SPINK5: variants seen among roughly 807,000 people sequenced by gnomAD.
SPINK5 encodes serine protease inhibitor Kazal-type 5.
In SPINK5, 125 loss-of-function variants were observed where a neutral mutation model predicts 151.8. The observed-to-expected ratio is 0.82, with a 90% CI of 0.71 to 0.96. The LOEUF (loss-of-function observed/expected upper bound fraction) is 0.96. SPINK5 is among the 40% of genes least tolerant of loss of function. SPINK5 has a pLI of 0.00. For synonymous variants in SPINK5, 374 were observed against 395.3 expected, an observed-to-expected ratio of 0.95 and a Z score of 0.64; for missense variants, 1,194 against 1,291.9, an observed-to-expected ratio of 0.92 and a Z score of 1.16.
Position 148,133,788 on chromosome 5 carries a change from C to G in SPINK5, c.3096-9C>G. 3.1e-6 allele frequency: 5 copies of G among 1,613,472 alleles called. No homozygotes were observed. The highest frequency in any genetic ancestry group is 4.2e-6 in the Non-Finnish European group (5 of 1,179,652). On this transcript the variant is annotated splice_polypyrimidine_tract_variant and intron_variant, in intron 31 of 32. Transcript: ENST00000256084. ...CCTCGTTGTTGAAGCATCCTCTGATCTGTTTTAGGATACGCCAAACAAATA... is the reference window on the plus strand; with the variant it reads ...CCTCGTTGTTGAAGCATCCTCTGATGTGTTTTAGGATACGCCAAACAAATA...
intron 4 of SPINK5, among the ~76,000 whole-genome samples, chr5:148,075,414 AC>A (rs1273332231): frequency 4.0e-5 from 6 of 151,278 alleles, no homozygotes; most frequent in Admixed American, 3.3e-4. Context: ...AGTAAATCAT[AC>A]TTTATAATAT....
At chr5:148,107,815 G>A (rs956952882) in intron 17 of SPINK5, among the ~76,000 whole-genome samples, 2 of 152,120 alleles carry the variant, frequency 1.3e-5, no homozygotes, top group African/African-American at 4.8e-5. Context: ...CAGCTCCATC[G>A]TGTGGGACAA....
intron 16 of SPINK5, among the ~76,000 whole-genome samples, chr5:148,105,978 G>C (rs915689262): frequency 3.3e-5 from 5 of 151,580 alleles, no homozygotes; most frequent in Non-Finnish European, 7.4e-5. Context: ...ATCATTACTT[G>C]GGGAAAAGTT....
chr5:148,090,110 T>C (rs1660976384), intron 7 of SPINK5, among the ~76,000 whole-genome samples: 7 of 151,878 alleles, frequency 4.6e-5, no homozygotes, highest in South Asian at 4.1e-4. Context: ...GGAAGGGCTA[T>C]TGGGTTAATC....
At chr5:148,118,095 C>G (rs1198273972) in intron 22 of SPINK5, among the ~76,000 whole-genome samples, 1 of 152,126 alleles carries the variant, frequency 6.6e-6, no homozygotes, top group South Asian at 2.1e-4. Context: ...CTTGGCTCAC[C>G]GCAACTTCTG....
At chr5:148,120,218 T>C in intron 25 of SPINK5, 77 bp from the exon 26 acceptor site, 1 of 1,611,452 alleles carries the variant, frequency 6.2e-7, no homozygotes, top group African/African-American at 1.3e-5. Flanking sequence ...AAAATGACAA[T>C]TGTTTTAGAA....
chr5:148,136,713 C>CT (rs924618529), intron 32 of SPINK5, among the ~76,000 whole-genome samples: 6 of 152,294 alleles, frequency 3.9e-5, no homozygotes, highest in African/African-American at 1.4e-4. Flanking sequence ...ACACCTACTT[C>CT]TTTTTTATCA....
Position 148,123,964 on chromosome 5 carries a change from C to T in SPINK5, c.2666+4C>T, listed in dbSNP as rs376671081. 2.2e-5 allele frequency: 36 copies of T among 1,613,546 alleles called. No homozygotes were observed. The highest frequency in any genetic ancestry group is 8.0e-5 in the African/African-American group (6 of 74,894). ...GTGCTATGTGTCAGAGCATCTTGTA[C>T]GTAAAAAGGTTTATCAATAAATTTG... On this transcript the variant is annotated splice_donor_region_variant and intron_variant, in intron 27 of 32. Transcript: ENST00000256084.
intron 31 of SPINK5, among the ~76,000 whole-genome samples, 179 bp from the exon 32 acceptor site, chr5:148,133,618 A>C (rs150726826): frequency 3.3e-5 from 5 of 152,316 alleles, no homozygotes; most frequent in Non-Finnish European, 7.4e-5. Flanking sequence ...TCTGGAGCAG[A>C]AGAGAGACAG....
chr5:148,072,016 A>G (rs1752751433), intron 3 of SPINK5, 132 bp from the exon 4 acceptor site: 1 of 780,292 alleles, frequency 1.3e-6, no homozygotes. Context: ...TCCACTTCTG[A>G]ACATGCTACC....
intron 32 of SPINK5, among the ~76,000 whole-genome samples, chr5:148,135,043 G>A (rs1271563253): frequency 1.3e-5 from 2 of 152,078 alleles, no homozygotes; most frequent in East Asian, 1.9e-4. Flanking sequence ...AGAGGAAGCC[G>A]AGGACTGGAA....
chr5:148,088,589 G>A lies in SPINK5; in HGVS notation c.458G>A (p.Ser153Asn), dbSNP rs1478925338. 4 of 1,611,566 alleles carry A rather than the reference G, an allele frequency of 2.5e-6. No individual in the cohort carries two copies. The highest frequency in any genetic ancestry group is 1.3e-5 in the African/African-American group (1 of 74,686). ...GTAAAAAGTGAAGGGGAATGTAAGA[G>A]CAGTAATCCAGAGCAGGTGAGGTCA... ...IGVKSEGECK[S>N]SNPEQDVCSA... Residue 153 changes from serine to asparagine, a missense_variant, in exon 6 of 33, where the codon AGC becomes AAC. By Grantham distance (46) the Ser-to-Asn change is conservative (BLOSUM62 1). Coordinates refer to ENST00000256084, the MANE Select transcript of SPINK5 (RefSeq NM_006846.4).
At chr5:148,099,996 CTTT>C (rs1410715370) in intron 12 of SPINK5, among the ~76,000 whole-genome samples, 4 of 152,090 alleles carry the variant, frequency 2.6e-5, no homozygotes, top group African/African-American at 9.7e-5. Flanking sequence ...TGTGCCATGT[CTTT>C]TCCTACCTGT....
At chr5:148,134,410 G>A (rs577160335) in intron 32 of SPINK5, among the ~76,000 whole-genome samples, 12 of 152,298 alleles carry the variant, frequency 7.9e-5, no homozygotes, top group African/African-American at 2.9e-4. Flanking sequence ...CATCCTCAGG[G>A]AGATGGTATG....
chr5:148,107,824 A>G (rs535027350), intron 17 of SPINK5, among the ~76,000 whole-genome samples: 1 of 152,288 alleles, frequency 6.6e-6, no homozygotes, highest in East Asian at 1.9e-4. Context: ...CGTGTGGGAC[A>G]ATATAGAGGT....
intron 6 of SPINK5, 133 bp from the exon 7 acceptor site, chr5:148,089,361 C>A: frequency 8.7e-7 from 1 of 1,153,708 alleles, no homozygotes; most frequent in Non-Finnish European, 1.3e-6. Context: ...TACTGAGCTA[C>A]ATCTACACAG....
At chr5:148,087,016 A>C (rs950187002) in intron 5 of SPINK5, among the ~76,000 whole-genome samples, 1 of 151,370 alleles carries the variant, frequency 6.6e-6, no homozygotes, top group Middle Eastern at 3.2e-3. Flanking sequence ...ACACACATCT[A>C]TCTTCTATCT....
chr5:148,081,153 CAT>C (rs765587253), intron 4 of SPINK5, among the ~76,000 whole-genome samples: 3 of 151,660 alleles, frequency 2.0e-5, no homozygotes, highest in South Asian at 4.2e-4. Context: ...AACTGGAACA[CAT>C]ATAGTCAGAT....
Position 148,095,904 on chromosome 5 carries a change from T to G in SPINK5, c.881T>G (p.Val294Gly). ...AAAACTAAAGTTAAAAGAGAAATTG[T>G]GGTGAGAATCAGTTTGATCAATCTA... ...EEKTKVKREI[V>G]KLCSQYQNQA... Residue 294 changes from valine (V) to glycine (G), a missense_variant and splice_region_variant, in exon 10 of 33, where the codon GTG becomes GGG. Coordinates refer to ENST00000256084, the MANE Select transcript of SPINK5 (RefSeq NM_006846.4). 6.2e-7 allele frequency: 1 copy of G among 1,610,238 alleles called. No homozygotes were observed. The highest frequency in any genetic ancestry group is 8.5e-7 in the Non-Finnish European group (1 of 1,177,362).
Sources: gnomAD v4.1 joint callset for allele counts (sites outside exome capture counted in the v4.1 genomes callset) on GRCh38, gnomAD v4.1.1 for gene constraint, MANE v1.5 for transcripts, NCBI Gene and HGNC (gene_info 2026-07-23, HGNC 2026-07-21) for gene names.